ADORA2B: variants seen among roughly 807,000 people sequenced by gnomAD.
ADORA2B encodes adenosine receptor A2b.
Under a neutral mutation model 20.8 loss-of-function variants are expected in ADORA2B, and 18 were observed. The observed-to-expected ratio is 0.87, with a 90% CI of 0.60 to 1.29. ADORA2B has a LOEUF of 1.29. ADORA2B is among the 50% of genes most tolerant of loss of function. ADORA2B has a pLI of 0.00. For synonymous variants in ADORA2B, 179 were observed against 178.3 expected, an observed-to-expected ratio of 1.00 and a Z score of -0.03; for missense variants, 441 against 422.7, an observed-to-expected ratio of 1.04 and a Z score of -0.38.
the ADORA2B span, among the ~76,000 whole-genome samples, chr17:15,862,786 G>A: frequency 1.4e-3 from 212 of 148,990 alleles, no homozygotes; most frequent in African/African-American, 5.1e-3. Flanking sequence ...ATACAAAATC[G>A]GCTACTTTTG....
At chr17:15,856,188 TG>T in the ADORA2B span, among the ~76,000 whole-genome samples, 6 of 151,710 alleles carry the variant, frequency 4.0e-5, 1 homozygote, top group Admixed American at 3.3e-4. Context: ...GTTTTATAAG[TG>T]TTTGACAGTT....
chr17:15,873,314 CT>C, the ADORA2B span, among the ~76,000 whole-genome samples: 12 of 152,102 alleles, frequency 7.9e-5, no homozygotes, highest in African/African-American at 2.7e-4. Flanking sequence ...TTGGAAAACT[CT>C]TCTAGACTTC....
intron 1 of ADORA2B, among the ~76,000 whole-genome samples, chr17:15,965,540 C>T (rs1201286163): frequency 6.6e-6 from 1 of 152,194 alleles, no homozygotes; most frequent in Non-Finnish European, 1.5e-5. Context: ...AATTAATTCA[C>T]GCGTGGCAGG....
chr17:15,893,127 G>A, the ADORA2B span, among the ~76,000 whole-genome samples: 3 of 152,188 alleles, frequency 2.0e-5, 1 homozygote, highest in Admixed American at 2.0e-4. Flanking sequence ...AATGACTTTT[G>A]CTGCATTGAG....
At chr17:15,880,777 T>G in the ADORA2B span, among the ~76,000 whole-genome samples, 36 of 152,174 alleles carry the variant, frequency 2.4e-4, no homozygotes, top group Non-Finnish European at 1.3e-4. Flanking sequence ...TCTGCAACAC[T>G]GAGCCTAGCA....
chr17:15,884,155 GA>G, the ADORA2B span, among the ~76,000 whole-genome samples: 1 of 152,152 alleles, frequency 6.6e-6, no homozygotes, highest in Admixed American at 6.5e-5. Flanking sequence ...CAGATGTCAT[GA>G]AGGACCTAGC....
the ADORA2B span, among the ~76,000 whole-genome samples, chr17:15,867,371 G>A: frequency 3.9e-5 from 6 of 151,940 alleles, no homozygotes; most frequent in African/African-American, 1.5e-4. Context: ...CATCGTCTGA[G>A]ATGTGGGGAG....
At chr17:15,871,580 C>G in the ADORA2B span, among the ~76,000 whole-genome samples, 7 of 152,184 alleles carry the variant, frequency 4.6e-5, no homozygotes, top group African/African-American at 7.2e-5. Flanking sequence ...ACTGTTTGTG[C>G]AAACACGTGG....
intron 1 of ADORA2B, among the ~76,000 whole-genome samples, chr17:15,973,527 G>A (rs989135357): frequency 6.6e-6 from 1 of 152,218 alleles, no homozygotes; most frequent in East Asian, 1.9e-4. Context: ...CACAGCAGAA[G>A]GTGAGCAGGC....
At chr17:15,897,895 TAGAC>T in the ADORA2B span, among the ~76,000 whole-genome samples, 2 of 152,188 alleles carry the variant, frequency 1.3e-5, no homozygotes, top group African/African-American at 2.4e-5. Context: ...TCTGAAACAA[TAGAC>T]AGTTTTCTAG....
chr17:15,856,450 G>C, the ADORA2B span, among the ~76,000 whole-genome samples: 1 of 152,068 alleles, frequency 6.6e-6, no homozygotes, highest in Non-Finnish European at 1.5e-5. Flanking sequence ...TAAATTTGTA[G>C]CAGTAGAGTC....
At chr17:15,924,454 G>A in the ADORA2B span, among the ~76,000 whole-genome samples, 1 of 152,132 alleles carries the variant, frequency 6.6e-6, no homozygotes, top group African/African-American at 2.4e-5. Flanking sequence ...CCATAGTAAT[G>A]CAAGCTTATT....
chr17:15,917,844 C>T, the ADORA2B span, among the ~76,000 whole-genome samples: 1 of 152,256 alleles, frequency 6.6e-6, no homozygotes, highest in Non-Finnish European at 1.5e-5. Flanking sequence ...TCCCCAACCC[C>T]CTGCCACAGG....
chr17:15,862,304 C>G, the ADORA2B span, among the ~76,000 whole-genome samples: 3 of 148,868 alleles, frequency 2.0e-5, no homozygotes, highest in African/African-American at 7.5e-5. Context: ...CAACCTCTGC[C>G]TCCTGGGTCC....
the ADORA2B span, among the ~76,000 whole-genome samples, chr17:15,926,319 T>C: frequency 6.6e-6 from 1 of 151,496 alleles, no homozygotes; most frequent in Non-Finnish European, 1.5e-5. Flanking sequence ...ATACACAAGA[T>C]GACAGGTGTT....
At chr17:15,903,218 A>C in the ADORA2B span, among the ~76,000 whole-genome samples, 10 of 152,350 alleles carry the variant, frequency 6.6e-5, no homozygotes, top group South Asian at 1.9e-3. Context: ...CTTTTGCAAG[A>C]AACATGGCAT....
intron 1 of ADORA2B, among the ~76,000 whole-genome samples, chr17:15,966,326 G>A (rs1170570597): frequency 6.6e-6 from 1 of 152,226 alleles, no homozygotes; most frequent in African/African-American, 2.4e-5. Context: ...GCAGGTTGGA[G>A]GCGGGTTCTG....
At chr17:15,885,057 T>C in the ADORA2B span, among the ~76,000 whole-genome samples, 1 of 152,230 alleles carries the variant, frequency 6.6e-6, no homozygotes, top group African/African-American at 2.4e-5. Context: ...AGCATTCCTT[T>C]TACTCCACAA....
intron 1 of ADORA2B, among the ~76,000 whole-genome samples, chr17:15,971,614 G>T (rs1179900650): frequency 2.7e-5 from 4 of 146,740 alleles, no homozygotes; most frequent in African/African-American, 1.0e-4. Context: ...AATGATGAAT[G>T]TATTTGTAAT....
Sources: allele counts gnomAD v4.1 joint callset (sites outside exome capture counted in the v4.1 genomes callset), GRCh38; gene constraint gnomAD v4.1.1; transcripts MANE v1.5; gene names NCBI Gene and HGNC (gene_info 2026-07-23, HGNC 2026-07-21).